The following UST variants were observed in gnomAD, a reference collection of about 807,000 sequenced individuals.
UST encodes uronyl 2-sulfotransferase, also known as chondroitin sulfate 2-O-sulfotransferase.
In UST, 21 loss-of-function variants were observed where a neutral mutation model predicts 45.6. That is an observed-to-expected ratio of 0.46 (90% CI 0.33 to 0.66). UST has a LOEUF of 0.66. Ranked by LOEUF, UST falls within the 30% of genes least tolerant of loss-of-function variation. UST has a pLI of 0.02. For synonymous variants in UST, 215 were observed against 200.6 expected (o/e 1.07, Z -0.61); for missense variants, 463 against 512.4 (o/e 0.90, Z 0.93).
intron 5 of UST, among the ~76,000 whole-genome samples, chr6:148,996,439 GA>G: frequency 6.6e-6 from 1 of 152,124 alleles, no homozygotes. Flanking sequence ...AGCTGGTCTT[GA>G]ACTCCTGACC....
At chr6:148,878,410 T>G in intron 1 of UST, among the ~76,000 whole-genome samples, 1 of 20,824 alleles carries the variant, frequency 4.8e-5, no homozygotes, top group Non-Finnish European at 8.6e-5. Context: ...AGATTGTGTA[T>G]GAGTGGGGGG....
intron 7 of UST, among the ~76,000 whole-genome samples, chr6:149,047,412 T>C (rs1368427652): frequency 6.6e-6 from 1 of 152,234 alleles, no homozygotes; most frequent in East Asian, 1.9e-4. Context: ...AGAAATCCAA[T>C]AGAAGTAGGA....
At chr6:148,751,666 T>C (rs1035576382) in intron 1 of UST, among the ~76,000 whole-genome samples, 27 of 152,200 alleles carry the variant, frequency 1.8e-4, no homozygotes, top group Admixed American at 6.5e-5. Flanking sequence ...CAAACATACA[T>C]TGGGGTAAAT....
chr6:148,979,254 A>G (rs990737342), intron 5 of UST, among the ~76,000 whole-genome samples: 1 of 152,200 alleles, frequency 6.6e-6, no homozygotes, highest in Non-Finnish European at 1.5e-5. Flanking sequence ...TCAGTTCCTC[A>G]GTGACCACAT....
Position 149,035,141 on chromosome 6 carries a change from A to G in UST, c.937+13660A>G, listed in dbSNP as rs74631255. ...CGCTTCGCTGTTTTTTCCTCCCTCA[A>G]TTGCCATCTTTTGAACATTTTTTCT... On this transcript the variant is annotated intron_variant, in intron 7 of 7. Coordinates refer to ENST00000367463, the MANE Select transcript of UST (RefSeq NM_005715.3). Among the ~76,000 whole-genome samples the G allele has an allele frequency of 1.1e-3, 160 of 151,960 alleles. 3 individuals carry two copies. In the East Asian group the frequency reaches 0.027, roughly 25 times the overall value.
At chr6:148,927,982 C>T (rs956509098) in intron 2 of UST, among the ~76,000 whole-genome samples, 4 of 152,222 alleles carry the variant, frequency 2.6e-5, no homozygotes, top group Non-Finnish European at 5.9e-5. Context: ...AGCTCTCCAT[C>T]CAAGGGTACA....
intron 1 of UST, among the ~76,000 whole-genome samples, chr6:148,830,227 C>G (rs1177249941): frequency 1.3e-5 from 2 of 152,234 alleles, no homozygotes; most frequent in African/African-American, 4.8e-5. Context: ...ACCACACCCA[C>G]CAATTTCTTG....
intron 1 of UST, among the ~76,000 whole-genome samples, chr6:148,843,796 C>A (rs1777931003): frequency 6.6e-6 from 1 of 152,146 alleles, no homozygotes; most frequent in Non-Finnish European, 1.5e-5. Flanking sequence ...TGAAGTTAAC[C>A]ACACTTCCAG....
chr6:148,943,945 A>T (rs958019620), intron 3 of UST, among the ~76,000 whole-genome samples: 1 of 152,226 alleles, frequency 6.6e-6, no homozygotes. Context: ...ATGCAGAGAG[A>T]GAAGCCAGGA....
chr6:149,064,459 G>T (rs1213161914), intron 7 of UST, among the ~76,000 whole-genome samples: 1 of 152,162 alleles, frequency 6.6e-6, no homozygotes, highest in African/African-American at 2.4e-5. Context: ...AGCTCTCAAA[G>T]TGCCAACTGA....
chr6:149,005,756 C>T (rs548411802), intron 5 of UST, among the ~76,000 whole-genome samples: 152 of 152,274 alleles, frequency 1.0e-3, no homozygotes, highest in Non-Finnish European at 1.5e-3. Flanking sequence ...CTCATTTCCA[C>T]CAGACACCTA....
chr6:148,836,474 T>C (rs1373273043), intron 1 of UST, among the ~76,000 whole-genome samples: 2 of 152,306 alleles, frequency 1.3e-5, no homozygotes, highest in South Asian at 2.1e-4. Flanking sequence ...ATTGAGATGG[T>C]CCATCTTGAA....
intron 1 of UST, among the ~76,000 whole-genome samples, chr6:148,863,922 G>T (rs1269390966): frequency 6.6e-6 from 1 of 152,196 alleles, no homozygotes; most frequent in Admixed American, 6.5e-5. Flanking sequence ...CTACTGGGAG[G>T]TGTCTCCCAG....
At chr6:148,765,654 A>C (rs1049081087) in intron 1 of UST, among the ~76,000 whole-genome samples, 8 of 152,220 alleles carry the variant, frequency 5.3e-5, no homozygotes, top group Admixed American at 2.0e-4. Flanking sequence ...AAATCATGAG[A>C]GTATTGATTG....
intron 7 of UST, among the ~76,000 whole-genome samples, chr6:149,038,024 T>C (rs1413815676): frequency 1.3e-5 from 2 of 152,162 alleles, no homozygotes; most frequent in Non-Finnish European, 2.9e-5. Flanking sequence ...CCCATAGCAA[T>C]GGCCAGACGC....
chr6:149,074,012 CT>C lies in UST; in HGVS notation c.1118del (p.Leu373ArgfsTer62). 1 of 1,614,218 alleles carries C rather than the reference CT, an allele frequency of 6.2e-7. No individual in the cohort carries two copies. On this transcript the variant is annotated frameshift_variant, in exon 8 of 8. Transcript: ENST00000367463. LOFTEE classifies it high-confidence loss of function. ...TAAGTCTCACGTCAGCAAGCCCCCCCTGAGGCCACACTTCTTTATCCCAACT... is the reference window on the plus strand; with the variant it reads ...TAAGTCTCACGTCAGCAAGCCCCCCCGAGGCCACACTTCTTTATCCCAACT... ...GLKSHVSKPP[L>X]RPHFFIPTPL...
At chr6:148,889,902 C>G (rs768986082) in intron 2 of UST, among the ~76,000 whole-genome samples, 4 of 151,786 alleles carry the variant, frequency 2.6e-5, no homozygotes, top group African/African-American at 4.8e-5. Context: ...TGGTCTTCAA[C>G]TCCCCCATAT....
At chr6:149,061,562 A>C (rs1776655490) in intron 7 of UST, among the ~76,000 whole-genome samples, 1 of 152,160 alleles carries the variant, frequency 6.6e-6, no homozygotes, top group African/African-American at 2.4e-5. Flanking sequence ...TTTGTTTGGC[A>C]GGGCATTGGG....
At chr6:148,820,573 G>A (rs767885148) in intron 1 of UST, among the ~76,000 whole-genome samples, 4 of 151,866 alleles carry the variant, frequency 2.6e-5, no homozygotes, top group African/African-American at 7.3e-5. Flanking sequence ...ATCCCAGGCC[G>A]GGCACGGTGG....
Sources: gnomAD v4.1 joint callset for allele counts (sites outside exome capture counted in the v4.1 genomes callset) on GRCh38, gnomAD v4.1.1 for gene constraint, MANE v1.5 for transcripts, NCBI Gene and HGNC (gene_info 2026-07-23, HGNC 2026-07-21) for gene names.